The following TPTE2 variants were observed in gnomAD, a reference collection of about 807,000 sequenced individuals.
TPTE2 encodes phosphatidylinositol 3,4,5-trisphosphate 3-phosphatase TPTE2.
In TPTE2, 53 loss-of-function variants were observed where a neutral mutation model predicts 78.6. The ratio of observed to expected loss-of-function variants is 0.67; its 90% confidence interval spans 0.54 to 0.85. The LOEUF (loss-of-function observed/expected upper bound fraction) is 0.85, where lower values mean the gene tolerates loss of function less well. Ranked by LOEUF, TPTE2 falls within the 40% of genes least tolerant of loss-of-function variation. TPTE2 has a pLI of 0.00. For synonymous variants in TPTE2, 175 were observed against 206.2 expected, an observed-to-expected ratio of 0.85 and a Z score of 1.30; for missense variants, 461 against 623.0, an observed-to-expected ratio of 0.74 and a Z score of 2.77.
intron 2 of TPTE2, 118 bp downstream of exon 5, chr13:19,493,330 T>TGGATGGATGGAA (rs1420112306): frequency 1.5e-6 from 1 of 682,366 alleles, no homozygotes; most frequent in African/African-American, 2.7e-5. Context: ...GATGGATGGA[T>TGGATGGATGGAA]GGATGGATGG....
chr13:19,500,274 G>C (rs1326831456), intron 1 of TPTE2, among the ~76,000 whole-genome samples: 1 of 149,540 alleles, frequency 6.7e-6, no homozygotes, highest in African/African-American at 2.5e-5. Flanking sequence ...AATAGAAAAA[G>C]AGGGAATCCT....
At chr13:19,462,594 G>A (rs1242351879) in intron 10 of TPTE2, among the ~76,000 whole-genome samples, 1 of 149,132 alleles carries the variant, frequency 6.7e-6, no homozygotes, top group Non-Finnish European at 1.5e-5. Context: ...CCAGGCTGTA[G>A]TGCAGTGGTG....
At position 19,465,262 on chromosome 13, in the gene TPTE2, G is replaced by A. The variant is rs545349341; in HGVS notation, c.669C>T (p.Tyr223=). ...CCATTAAGTGTCACAAACCTGTAAC[G>A]TAAGTGAGGTCTAGGTCAAATCCAT... The change falls in exon 9 of 20, where the codon TAC becomes TAT. Residue 223 remains tyrosine (Y), a synonymous_variant. Transcript: ENST00000400230. 3.3e-5 allele frequency: 53 copies of A among 1,613,830 alleles called. No individual in the cohort carries two copies. The East Asian group carries it at 7.8e-4, about 24-fold the overall frequency.
upstream of TPTE2, among the ~76,000 whole-genome samples, chr13:19,537,215 G>A (rs1365395777): frequency 1.3e-5 from 2 of 151,228 alleles, no homozygotes; most frequent in Admixed American, 6.6e-5. Context: ...ACTATTTTGG[G>A]GGGTTGTCTT....
exon 2 of TPTE2, chr13:19,493,501 A>G: frequency 1.9e-6 from 3 of 1,613,522 alleles, no homozygotes; most frequent in Non-Finnish European, 1.7e-6. Flanking sequence ...TTGTCTGTGG[A>G]CTAGCGGATG....
At chr13:19,498,965 A>C (rs1279022482) in intron 1 of TPTE2, among the ~76,000 whole-genome samples, 2 of 152,142 alleles carry the variant, frequency 1.3e-5, no homozygotes, top group Admixed American at 6.5e-5. Context: ...TCTACCAAGC[A>C]AATGGAAAAC....
chr13:19,472,900 T>C (rs2497081), intron 6 of TPTE2, among the ~76,000 whole-genome samples: 28,580 of 152,158 alleles, frequency 0.19, 3,765 homozygotes, highest in African/African-American at 0.37. Flanking sequence ...ATCTAAGCTC[T>C]ATCTGCTCTA....
chr13:19,479,120 G>A (rs1880160362), intron 4 of TPTE2, among the ~76,000 whole-genome samples: 1 of 151,964 alleles, frequency 6.6e-6, no homozygotes, highest in Admixed American at 6.6e-5. Flanking sequence ...TAACAAACCT[G>A]CACATTGTGC....
At chr13:19,502,674 GC>G (rs887600465) in intron 1 of TPTE2, among the ~76,000 whole-genome samples, 2 of 151,340 alleles carry the variant, frequency 1.3e-5, no homozygotes, top group Non-Finnish European at 2.9e-5. Flanking sequence ...GGGAGGGATA[GC>G]ACTGGGAGAT....
exon 7 of TPTE2, chr13:19,467,318 A>C: frequency 1.3e-6 from 2 of 1,572,966 alleles, no homozygotes; most frequent in Non-Finnish European, 1.7e-6. Flanking sequence ...TAAAATGTTA[A>C]ATAAGTCAGA....
chr13:19,468,025 C>CTTTT (rs71092364), intron 6 of TPTE2, among the ~76,000 whole-genome samples: 1 of 45,538 alleles, frequency 2.2e-5, no homozygotes, highest in Non-Finnish European at 3.7e-5. Flanking sequence ...GACAGGATCT[C>CTTTT]TTTTTTTTTT....
At chr13:19,470,876 G>A (rs1293676348) in intron 6 of TPTE2, among the ~76,000 whole-genome samples, 1 of 142,356 alleles carries the variant, frequency 7.0e-6, no homozygotes, top group Non-Finnish European at 1.5e-5. Flanking sequence ...ACAGATCAAT[G>A]GATCTTTTTA....
chr13:19,495,392 G>A (rs12874273), intron 1 of TPTE2, among the ~76,000 whole-genome samples: 285 of 152,236 alleles, frequency 1.9e-3, no homozygotes, highest in African/African-American at 6.4e-3. Flanking sequence ...AGCAGGATTC[G>A]CTTCTCCCTT....
At chr13:19,538,241 G>C (rs531170824), upstream of TPTE2, among the ~76,000 whole-genome samples, 101 of 151,824 alleles carry the variant, frequency 6.7e-4, no homozygotes, top group Non-Finnish European at 1.1e-3. Context: ...TTCTTTTTGA[G>C]ACGGAGTCTC....
intron 4 of TPTE2, among the ~76,000 whole-genome samples, chr13:19,479,739 G>A (rs1026995700): frequency 2.0e-5 from 3 of 152,018 alleles, no homozygotes; most frequent in Non-Finnish European, 2.9e-5. Flanking sequence ...CAAGGTGGGC[G>A]GATCATGAGG....
chr13:19,514,051 C>T (rs2137701675), intron 1 of TPTE2, among the ~76,000 whole-genome samples: 1 of 152,002 alleles, frequency 6.6e-6, no homozygotes, highest in Middle Eastern at 3.4e-3. Context: ...CTCTTAGCTC[C>T]TTTCTTGCTG....
At chr13:19,475,764 T>C (rs1190563574) in intron 4 of TPTE2, 141 bp from the exon 8 acceptor site, 11 of 636,702 alleles carry the variant, frequency 1.7e-5, no homozygotes, top group Non-Finnish European at 2.9e-5. Context: ...TACTAATAGC[T>C]AAAATTTTAT....
At chr13:19,560,568 G>A in the TPTE2 span, 2 of 1,599,224 alleles carry the variant, frequency 1.3e-6, no homozygotes, top group East Asian at 4.5e-5. Flanking sequence ...CCCAGCTGAT[G>A]GTGACCACGA....
intron 1 of TPTE2, among the ~76,000 whole-genome samples, chr13:19,499,660 G>A (rs1315145454): frequency 7.3e-6 from 1 of 136,644 alleles, no homozygotes; most frequent in Non-Finnish European, 1.6e-5. Context: ...GTGTGTAGAG[G>A]GAAATTTATA....
Sources: allele counts gnomAD v4.1 joint callset (sites outside exome capture counted in the v4.1 genomes callset), GRCh38; gene constraint gnomAD v4.1.1; transcripts MANE v1.5; gene names NCBI Gene and HGNC (gene_info 2026-07-23, HGNC 2026-07-21).